The following COMMD7 variants were observed in gnomAD, a reference collection of about 807,000 sequenced individuals.
COMMD7 encodes the protein COMM domain containing 7.
COMMD7 carries 28 observed loss-of-function variants against 34.8 expected under a neutral mutation model. The observed-to-expected ratio is 0.80, with a 90% confidence interval of 0.60 to 1.10. The LOEUF (loss-of-function observed/expected upper bound fraction) is 1.10, where lower values mean the gene tolerates loss of function less well. Among genes scored for constraint, COMMD7 ranks in the 50% least tolerant of loss-of-function variants. COMMD7 has a pLI of 0.00. For missense variants in COMMD7, 211 were observed against 241.6 expected, an observed-to-expected ratio of 0.87 and a Z score of 0.84; for synonymous variants, 80 against 86.4, an observed-to-expected ratio of 0.93 and a Z score of 0.41.
chr20:32,707,331 A>ATTTTTT (rs1984160843), intron 3 of COMMD7, among the ~76,000 whole-genome samples: 2 of 130,844 alleles, frequency 1.5e-5, no homozygotes, highest in African/African-American at 5.6e-5. Flanking sequence ...ATATATATAT[A>ATTTTTT]TTTTTTGAGA....
At chr20:32,735,475 C>T (rs6058844) in intron 1 of COMMD7, among the ~76,000 whole-genome samples, 342 of 151,412 alleles carry the variant, frequency 2.3e-3, no homozygotes, top group African/African-American at 7.6e-3. Flanking sequence ...CACTACCATG[C>T]CCGGCTAATT....
chr20:32,716,916 T>C (rs966054721), intron 3 of COMMD7, among the ~76,000 whole-genome samples: 1 of 151,864 alleles, frequency 6.6e-6, no homozygotes, highest in Non-Finnish European at 1.5e-5. Flanking sequence ...CAGAGCGCAG[T>C]GTCAGGAACT....
intron 3 of COMMD7, among the ~76,000 whole-genome samples, chr20:32,718,098 A>AG (rs1404057391): frequency 6.6e-6 from 1 of 151,766 alleles, no homozygotes; most frequent in East Asian, 1.9e-4. Flanking sequence ...CAAAAAAAAA[A>AG]AAAAATCAAT....
At chr20:32,719,558 G>A (rs1367743131) in intron 3 of COMMD7, among the ~76,000 whole-genome samples, 2 of 152,110 alleles carry the variant, frequency 1.3e-5, no homozygotes, top group African/African-American at 4.8e-5. Context: ...GCTGAGGCAG[G>A]AGAATTGCTT....
chr20:32,704,202 G>T (rs559265929), intron 7 of COMMD7, 131 bp from the exon 8 acceptor site: 1 of 839,272 alleles, frequency 1.2e-6, no homozygotes, highest in Non-Finnish European at 1.8e-6. Flanking sequence ...ATCCACCACC[G>T]AAAATTCTAA....
At chr20:32,720,420 G>A (rs530103410) in intron 3 of COMMD7, among the ~76,000 whole-genome samples, 2 of 151,360 alleles carry the variant, frequency 1.3e-5, no homozygotes, top group Non-Finnish European at 2.9e-5. Flanking sequence ...GCTTGAACCC[G>A]GGAAGCAGAG....
At chr20:32,710,738 A>C (rs971451706) in intron 3 of COMMD7, among the ~76,000 whole-genome samples, 230 of 151,816 alleles carry the variant, frequency 1.5e-3, no homozygotes, top group African/African-American at 5.0e-3. Flanking sequence ...CAAAAAAAAA[A>C]AAAAAAAAAA....
intron 3 of COMMD7, among the ~76,000 whole-genome samples, chr20:32,722,223 T>C (rs139382634): frequency 4.5e-4 from 49 of 109,028 alleles, no homozygotes; most frequent in East Asian, 2.6e-3. Context: ...CCAGCCTGGG[T>C]GACAAGAGCA....
chr20:32,736,328 C>T (rs6058847), intron 1 of COMMD7, among the ~76,000 whole-genome samples: 103,431 of 152,020 alleles, frequency 0.68, 35,927 homozygotes, highest in Middle Eastern at 0.82. Flanking sequence ...ATGGGCCAAA[C>T]GACTCAGGTA....
intron 3 of COMMD7, among the ~76,000 whole-genome samples, chr20:32,717,193 T>C (rs971883925): frequency 2.0e-5 from 3 of 152,104 alleles, no homozygotes; most frequent in Middle Eastern, 3.4e-3. Context: ...TCTTCCTCCG[T>C]TGTGCAAACT....
At chr20:32,718,734 A>G (rs1984967921) in intron 3 of COMMD7, among the ~76,000 whole-genome samples, 1 of 152,112 alleles carries the variant, frequency 6.6e-6, no homozygotes, top group South Asian at 2.1e-4. Flanking sequence ...TAAAATGCCA[A>G]AAAAGATCAG....
At position 32,727,998 on chromosome 20, in the gene COMMD7, G is replaced by A. The variant is rs371568712; in HGVS notation, c.139-3C>T. 1.9e-6 allele frequency: 3 copies of A among 1,613,574 alleles called. No homozygotes were observed. Among genetic ancestry groups the A allele is most frequent in the African/African-American group, 2.7e-5 (2 of 74,912 alleles). Reference sequence around the variant, plus strand: ...AGCTGAGCCAGAAATCTTTCCACCTGCAGAGAGAGAACAGTGAAAACCCGG... The same window carrying A: ...AGCTGAGCCAGAAATCTTTCCACCTACAGAGAGAGAACAGTGAAAACCCGG... On this transcript the variant is annotated splice_polypyrimidine_tract_variant and splice_region_variant and intron_variant, in intron 2 of 8. Coordinates refer to ENST00000278980, the MANE Select transcript of COMMD7 (RefSeq NM_053041.3).
chr20:32,712,990 C>T (rs1984565108), intron 3 of COMMD7, among the ~76,000 whole-genome samples: 1 of 151,854 alleles, frequency 6.6e-6, no homozygotes, highest in African/African-American at 2.4e-5. Context: ...CCTTGGCTTC[C>T]CAAAGTGCTG....
At chr20:32,708,437 T>A (rs1292430337) in intron 3 of COMMD7, among the ~76,000 whole-genome samples, 1 of 151,642 alleles carries the variant, frequency 6.6e-6, no homozygotes, top group Admixed American at 6.6e-5. Flanking sequence ...AGGGAGGAAA[T>A]CTTTTATCTC....
chr20:32,732,849 T>C (rs1414265166), intron 1 of COMMD7, among the ~76,000 whole-genome samples: 1 of 151,270 alleles, frequency 6.6e-6, no homozygotes, highest in East Asian at 1.9e-4. Context: ...GGCAGGAGAA[T>C]GGCATGAACC....
intron 1 of COMMD7, among the ~76,000 whole-genome samples, chr20:32,737,085 G>A (rs1404104331): frequency 6.6e-6 from 1 of 151,926 alleles, no homozygotes; most frequent in African/African-American, 2.4e-5. Flanking sequence ...TGGAGGCTGA[G>A]GCAGGAGAAT....
intron 1 of COMMD7, among the ~76,000 whole-genome samples, 158 bp downstream of exon 1, chr20:32,743,150 C>T (rs931933032): frequency 1.3e-5 from 2 of 152,108 alleles, no homozygotes; most frequent in Non-Finnish European, 2.9e-5. Flanking sequence ...TCACCTTAGC[C>T]TCGCCCCGAA....
At chr20:32,733,260 T>C (rs1328132482) in intron 1 of COMMD7, among the ~76,000 whole-genome samples, 2 of 150,646 alleles carry the variant, frequency 1.3e-5, no homozygotes, top group Non-Finnish European at 3.0e-5. Context: ...AGGGAGAAAA[T>C]AGGATACATT....
intron 3 of COMMD7, among the ~76,000 whole-genome samples, chr20:32,725,163 A>T (rs1487649954): frequency 3.3e-5 from 5 of 151,748 alleles, no homozygotes; most frequent in African/African-American, 4.8e-5. Context: ...AGTCTATGGG[A>T]TATTATATCC....
Sources: gnomAD v4.1 joint callset for allele counts (sites outside exome capture counted in the v4.1 genomes callset) on GRCh38, gnomAD v4.1.1 for gene constraint, MANE v1.5 for transcripts, NCBI Gene and HGNC (gene_info 2026-07-23, HGNC 2026-07-21) for gene names.